Variants in MEOX2 observed in about 807,000 individuals in gnomAD.
The protein encoded by MEOX2 is mesenchyme homeobox 2.
A neutral mutation model predicts 27.0 loss-of-function variants in MEOX2; 11 were observed. The observed-to-expected ratio is 0.41, with a 90% CI of 0.26 to 0.68. The LOEUF (loss-of-function observed/expected upper bound fraction) is 0.68. MEOX2 is among the 30% of genes least tolerant of loss of function. The pLI is 0.33. For synonymous variants in MEOX2, 189 were observed against 155.4 expected (o/e 1.22, Z -1.61); for missense variants, 436 against 385.4 (o/e 1.13, Z -1.10).
At chr7:15,659,678 T>C (rs1408480816) in intron 1 of MEOX2, among the ~76,000 whole-genome samples, 1 of 143,458 alleles carries the variant, frequency 7.0e-6, no homozygotes, top group Non-Finnish European at 1.5e-5. Flanking sequence ...GAGAATGGCG[T>C]GAACCCGGGA....
intron 1 of MEOX2, among the ~76,000 whole-genome samples, chr7:15,653,373 T>G (rs1403371276): frequency 6.6e-6 from 1 of 152,038 alleles, no homozygotes; most frequent in Non-Finnish European, 1.5e-5. Flanking sequence ...GTATTTTTGA[T>G]GTTCGTCCTT....
intron 1 of MEOX2, chr7:15,679,634 G>A (rs1259137346): frequency 6.6e-6 from 1 of 151,918 alleles, no homozygotes; most frequent in African/African-American, 2.4e-5. Flanking sequence ...AGTACACATT[G>A]TAAGGACATA....
At chr7:15,669,182 A>G (rs1782057960) in intron 1 of MEOX2, among the ~76,000 whole-genome samples, 1 of 152,216 alleles carries the variant, frequency 6.6e-6, no homozygotes, top group African/African-American at 2.4e-5. Flanking sequence ...AATGAAAACT[A>G]CTGAAAGGTT....
At chr7:15,617,744 C>T (rs1781146312) in intron 2 of MEOX2, among the ~76,000 whole-genome samples, 1 of 152,048 alleles carries the variant, frequency 6.6e-6, no homozygotes, top group Non-Finnish European at 1.5e-5. Context: ...CTGCCTCTCA[C>T]CTTTATCCAC....
rs560297666 is a variant in MEOX2 at position 15,653,003 on chromosome 7, C to T, written c.518-26085G>A. Among the ~76,000 whole-genome samples, 13 of 152,128 alleles carry T rather than the reference C, an allele frequency of 8.5e-5. 1 individual carries two copies. Among genetic ancestry groups the T allele is most frequent in the African/African-American group, 2.9e-4 (12 of 41,540 alleles). On this transcript the variant is annotated intron_variant, in intron 1 of 2. Coordinates refer to ENST00000262041, the MANE Select transcript of MEOX2 (RefSeq NM_005924.5). ...CTGAAATAAATACTCAAAAGTGCAA[C>T]TGGTGAGTCATATGATAGTTGCATG...
chr7:15,627,828 T>TACACACACACACACACACACACAC (rs578053964), intron 1 of MEOX2, among the ~76,000 whole-genome samples: 28 of 23,824 alleles, frequency 1.2e-3, no homozygotes, highest in African/African-American at 4.4e-3. Context: ...CACACACACG[T>TACACACACACACACACACACACAC]CAAGTAAAAA....
At chr7:15,672,764 T>C (rs923852796) in intron 1 of MEOX2, among the ~76,000 whole-genome samples, 9 of 151,994 alleles carry the variant, frequency 5.9e-5, no homozygotes, top group East Asian at 1.9e-4. Context: ...TGGTGGCACG[T>C]GCCTGTAGTC....
intron 2 of MEOX2, among the ~76,000 whole-genome samples, chr7:15,617,682 T>C (rs10266294): frequency 0.62 from 94,549 of 151,744 alleles, 30,055 homozygotes; most frequent in East Asian, 0.81. Flanking sequence ...GGGGAGGCTG[T>C]GGAGGGTTAG....
chr7:15,670,635 T>G (rs57483785), intron 1 of MEOX2, among the ~76,000 whole-genome samples: 16,020 of 152,274 alleles, frequency 0.11, 903 homozygotes, highest in Middle Eastern at 0.12. Context: ...ATTTTTAATT[T>G]TATTTAGTTA....
At chr7:15,657,374 T>A (rs1027094198) in intron 1 of MEOX2, among the ~76,000 whole-genome samples, 3 of 151,996 alleles carry the variant, frequency 2.0e-5, no homozygotes, top group Non-Finnish European at 4.4e-5. Flanking sequence ...ATGGTAAAAA[T>A]TTTTTTTCAA....
At chr7:15,680,340 A>G (rs1782273108) in intron 1 of MEOX2, 1 of 151,986 alleles carries the variant, frequency 6.6e-6, no homozygotes. Context: ...TATTTTTATA[A>G]TGTAAGTAAA....
At chr7:15,676,597 G>A (rs1472863671) in intron 1 of MEOX2, among the ~76,000 whole-genome samples, 5 of 152,042 alleles carry the variant, frequency 3.3e-5, no homozygotes, top group Admixed American at 2.0e-4. Context: ...CTGGCCGGGC[G>A]CGGTGGCTCA....
chr7:15,646,452 T>C (rs181615512), intron 1 of MEOX2, among the ~76,000 whole-genome samples: 2 of 152,138 alleles, frequency 1.3e-5, no homozygotes, highest in Non-Finnish European at 2.9e-5. Flanking sequence ...CTGAGGGAGA[T>C]CCTCTTTGTA....
At chr7:15,634,749 G>A (rs1424623928) in intron 1 of MEOX2, among the ~76,000 whole-genome samples, 1 of 151,862 alleles carries the variant, frequency 6.6e-6, no homozygotes, top group Non-Finnish European at 1.5e-5. Flanking sequence ...CTGTGGTCAC[G>A]CCTTGTCTCC....
At chr7:15,653,616 T>C (rs1204873162) in intron 1 of MEOX2, among the ~76,000 whole-genome samples, 1 of 152,058 alleles carries the variant, frequency 6.6e-6, no homozygotes, top group East Asian at 1.9e-4. Context: ...GTGAATGTTT[T>C]GCATTTACAT....
intron 2 of MEOX2, among the ~76,000 whole-genome samples, chr7:15,618,434 G>T (rs1781158996): frequency 1.3e-5 from 2 of 151,912 alleles, no homozygotes; most frequent in Admixed American, 6.6e-5. Flanking sequence ...ACTACTTCAT[G>T]CTTATCTTGT....
chr7:15,612,666 A>T lies in MEOX2; in HGVS notation c.691-55T>A, dbSNP rs1562592470. 4 of 1,500,676 alleles carry T rather than the reference A, an allele frequency of 2.7e-6. No homozygotes were observed. The African/African-American group carries it at 5.5e-5, about 21-fold the overall frequency. The allele number at this position is 1,500,676 out of a possible 1,614,324, so 93.0% of individuals were successfully genotyped here. On this transcript the variant is annotated intron_variant, in intron 2 of 2. Coordinates refer to ENST00000262041, the MANE Select transcript of MEOX2 (RefSeq NM_005924.5). ...GAAAAAAAGAGATAATTAAAGTGAC[A>T]TTTTTTTCTCCTTAGTGTCATCAAT... is the stretch of plus-strand genomic sequence containing the variant.
intron 1 of MEOX2, among the ~76,000 whole-genome samples, chr7:15,646,436 T>C (rs1305142270): frequency 1.3e-5 from 2 of 152,040 alleles, no homozygotes; most frequent in Non-Finnish European, 2.9e-5. Context: ...ATATATGATT[T>C]CTCAACTGAG....
At chr7:15,659,377 G>C (rs892507310) in intron 1 of MEOX2, among the ~76,000 whole-genome samples, 2 of 152,032 alleles carry the variant, frequency 1.3e-5, no homozygotes, top group African/African-American at 4.8e-5. Context: ...TTTTGCAGTC[G>C]GGTGTGTGCA....
Sources: gnomAD v4.1 joint callset for allele counts (sites outside exome capture counted in the v4.1 genomes callset) on GRCh38, gnomAD v4.1.1 for gene constraint, MANE v1.5 for transcripts, NCBI Gene and HGNC (gene_info 2026-07-23, HGNC 2026-07-21) for gene names.